The following GRIK4 variants were observed in gnomAD, a reference collection of about 807,000 sequenced individuals.
GRIK4 encodes the protein glutamate receptor ionotropic, kainate 4.
GRIK4 carries 40 observed loss-of-function variants against 104.9 expected under a neutral mutation model. The observed-to-expected ratio is 0.38, with a 90% CI of 0.30 to 0.50. GRIK4 has a LOEUF of 0.50. GRIK4 is among the 20% of genes least tolerant of loss of function. GRIK4 has a pLI of 0.93. For missense variants in GRIK4, 1,047 were observed against 1,308.1 expected, an observed-to-expected ratio of 0.80 and a Z score of 3.08; for synonymous variants, 485 against 524.9, an observed-to-expected ratio of 0.92 and a Z score of 1.04.
chr11:120,593,687 G>A (rs1484489296), intron 1 of GRIK4, among the ~76,000 whole-genome samples: 1 of 152,092 alleles, frequency 6.6e-6, no homozygotes, highest in African/African-American at 2.4e-5. Context: ...TTTCTCTCCT[G>A]AGTGCTGTTC....
At chr11:120,942,090 G>T (rs1489215795) in intron 14 of GRIK4, among the ~76,000 whole-genome samples, 2 of 152,220 alleles carry the variant, frequency 1.3e-5, no homozygotes, top group Non-Finnish European at 2.9e-5. Flanking sequence ...CCACCCTCCT[G>T]TGTGTGGTCT....
At chr11:120,930,474 T>C (rs992646031) in intron 13 of GRIK4, among the ~76,000 whole-genome samples, 3 of 152,146 alleles carry the variant, frequency 2.0e-5, no homozygotes, top group Admixed American at 6.5e-5. Flanking sequence ...ATCCCTACTT[T>C]ACTGATGAAA....
At chr11:120,582,817 A>G (rs1948606283) in intron 1 of GRIK4, among the ~76,000 whole-genome samples, 2 of 152,214 alleles carry the variant, frequency 1.3e-5, no homozygotes, top group Non-Finnish European at 2.9e-5. Context: ...TTCAGTGAAC[A>G]TATGCATGCA....
intron 13 of GRIK4, among the ~76,000 whole-genome samples, chr11:120,921,667 C>A (rs1471862694): frequency 6.6e-6 from 1 of 152,128 alleles, no homozygotes; most frequent in African/African-American, 2.4e-5. Context: ...CATGCGCGGC[C>A]CCATCTCACT....
At chr11:120,959,553 CT>C (rs1178886173) in intron 16 of GRIK4, among the ~76,000 whole-genome samples, 1 of 152,252 alleles carries the variant, frequency 6.6e-6, no homozygotes, top group Non-Finnish European at 1.5e-5. Flanking sequence ...CCAAACTGTG[CT>C]TAGATCTATC....
intron 13 of GRIK4, among the ~76,000 whole-genome samples, chr11:120,931,707 T>C (rs1943484776): frequency 6.6e-6 from 1 of 152,204 alleles, no homozygotes; most frequent in South Asian, 2.1e-4. Flanking sequence ...TGAGGTAACA[T>C]GTAAAGGGCT....
At chr11:120,850,210 G>C (rs959254401) in intron 8 of GRIK4, among the ~76,000 whole-genome samples, 2 of 152,104 alleles carry the variant, frequency 1.3e-5, no homozygotes, top group Non-Finnish European at 2.9e-5. Context: ...CTTAGGCCAG[G>C]CTCATCTGGA....
chr11:120,811,320 G>A (rs1266334061), intron 4 of GRIK4, among the ~76,000 whole-genome samples: 2 of 152,192 alleles, frequency 1.3e-5, no homozygotes, highest in Admixed American at 6.5e-5. Flanking sequence ...CAATAACTCA[G>A]TGTTCCAGTG....
intron 1 of GRIK4, among the ~76,000 whole-genome samples, chr11:120,568,533 G>A (rs1052675183): frequency 2.0e-5 from 3 of 152,022 alleles, no homozygotes; most frequent in Non-Finnish European, 2.9e-5. Context: ...GACCATAAGT[G>A]CACACCACCA....
At chr11:120,588,307 G>A (rs923937942) in intron 1 of GRIK4, among the ~76,000 whole-genome samples, 7 of 152,184 alleles carry the variant, frequency 4.6e-5, no homozygotes, top group Non-Finnish European at 1.0e-4. Flanking sequence ...GGGAGTTTTA[G>A]GAAGAGGTGA....
intron 3 of GRIK4, among the ~76,000 whole-genome samples, chr11:120,753,301 G>GTA (rs1390547872): frequency 1.4e-5 from 1 of 71,722 alleles, no homozygotes; most frequent in East Asian, 2.3e-4. Flanking sequence ...ACAACTCTGT[G>GTA]TGTGTGTGTG....
At chr11:120,934,015 T>C (rs1040120991) in intron 13 of GRIK4, among the ~76,000 whole-genome samples, 5 of 151,948 alleles carry the variant, frequency 3.3e-5, no homozygotes, top group East Asian at 1.9e-4. Flanking sequence ...CCATCCTGGC[T>C]AACACAGTGA....
rs574396156 is a variant in GRIK4, at chr11:120,565,581, C to T, written c.-159+53694C>T. Among the ~76,000 whole-genome samples the T allele has an allele frequency of 5.1e-4, 78 of 152,304 alleles. No individual in the cohort carries two copies. In the South Asian group the frequency reaches 6.2e-3, roughly 12 times the overall value. On this transcript the variant is annotated intron_variant, in intron 1 of 20. Transcript: ENST00000527524. ...GGCTAAAGGAATATAAAGCGTTTTA[C>T]AGATCCAATATTGTACGAGGTACAA...
At chr11:120,871,932 A>G (rs1228355032) in intron 9 of GRIK4, 4 of 456,112 alleles carry the variant, frequency 8.8e-6, no homozygotes, top group Middle Eastern at 3.2e-4. Context: ...GAGATTATCC[A>G]GAGCTGGCTC....
chr11:120,822,112 G>C (rs1953142564), intron 6 of GRIK4, among the ~76,000 whole-genome samples: 1 of 149,274 alleles, frequency 6.7e-6, no homozygotes, highest in Non-Finnish European at 1.5e-5. Flanking sequence ...TTGGGAGGCT[G>C]AGACACGAGA....
rs117385635 is a variant in GRIK4 at position 120,530,762 on chromosome 11, G to A, written c.-159+18875G>A. Among the ~76,000 whole-genome samples, 882 of 152,238 alleles carry A rather than the reference G, an allele frequency of 5.8e-3. 6 individuals carry two copies. Among genetic ancestry groups the A allele is most frequent in the Middle Eastern group, 0.031 (9 of 294 alleles). On this transcript the variant is annotated intron_variant, in intron 1 of 20. Coordinates refer to ENST00000527524, the MANE Select transcript of GRIK4 (RefSeq NM_014619.5). ...AACCAAGGGGCCTGCTACAGGTTCCGTGATGTAGGAAGACAGAGATGGCCC... is the reference window on the plus strand; with the variant it reads ...AACCAAGGGGCCTGCTACAGGTTCCATGATGTAGGAAGACAGAGATGGCCC...
intron 3 of GRIK4, among the ~76,000 whole-genome samples, chr11:120,788,502 G>T (rs1325501473): frequency 6.6e-6 from 1 of 152,142 alleles, no homozygotes; most frequent in Non-Finnish European, 1.5e-5. Context: ...CAGGGAGGCT[G>T]GTAAGTGTGG....
chr11:120,652,569 A>G (rs894649186), intron 1 of GRIK4, among the ~76,000 whole-genome samples: 1 of 151,640 alleles, frequency 6.6e-6, no homozygotes, highest in African/African-American at 2.4e-5. Flanking sequence ...TCTCCCAGCC[A>G]GTGGGGGAGT....
At chr11:120,869,422 C>T (rs1954531408) in intron 9 of GRIK4, 1 of 152,316 alleles carries the variant, frequency 6.6e-6, no homozygotes, top group South Asian at 2.1e-4. Context: ...TGAGGATTTT[C>T]CTTCTACCTG....
Sources: allele counts gnomAD v4.1 joint callset (sites outside exome capture counted in the v4.1 genomes callset), GRCh38; gene constraint gnomAD v4.1.1; transcripts MANE v1.5; gene names NCBI Gene and HGNC (gene_info 2026-07-23, HGNC 2026-07-21).